The following FER variants were observed in gnomAD, a reference collection of about 807,000 sequenced individuals.
FER encodes tyrosine-protein kinase Fer.
FER carries 63 observed loss-of-function variants against 111.0 expected under a neutral mutation model. That is an observed-to-expected ratio of 0.57 (90% CI 0.46 to 0.70). FER has a LOEUF of 0.70. Ranked by LOEUF, FER falls within the 30% of genes least tolerant of loss-of-function variation. The pLI, the probability that FER is intolerant of heterozygous loss-of-function variation, is 0.00. For missense variants in FER, 914 were observed against 954.0 expected, an observed-to-expected ratio of 0.96 and a Z score of 0.55; for synonymous variants, 327 against 313.9, an observed-to-expected ratio of 1.04 and a Z score of -0.44.
chr5:108,804,569 A>G (rs1325566642), intron 3 of FER, among the ~76,000 whole-genome samples: 3 of 152,164 alleles, frequency 2.0e-5, no homozygotes, highest in Non-Finnish European at 4.4e-5. Flanking sequence ...AAACGCTTCA[A>G]TCTCAATCAT....
chr5:109,110,027 G>A (rs141333940), intron 17 of FER, among the ~76,000 whole-genome samples: 31 of 152,156 alleles, frequency 2.0e-4, no homozygotes, highest in Non-Finnish European at 2.4e-4. Flanking sequence ...AGTTAAAGGC[G>A]GGCTGTCTCT....
chr5:108,851,740 CT>C (rs1187045937), intron 5 of FER, among the ~76,000 whole-genome samples: 2 of 151,986 alleles, frequency 1.3e-5, no homozygotes, highest in African/African-American at 4.8e-5. Flanking sequence ...AAATAACTAC[CT>C]TGTAATTATA....
intron 17 of FER, among the ~76,000 whole-genome samples, chr5:109,118,446 T>A (rs372985630): frequency 0.022 from 3,407 of 152,146 alleles, 112 homozygotes; most frequent in African/African-American, 0.078. Context: ...ATGTTCATCA[T>A]GGATATTGGT....
At chr5:108,988,134 A>G (rs1398134681) in intron 13 of FER, among the ~76,000 whole-genome samples, 1 of 152,132 alleles carries the variant, frequency 6.6e-6, no homozygotes, top group Non-Finnish European at 1.5e-5. Flanking sequence ...CATCCCTGGT[A>G]TGAAACCCAC....
In FER at chr5:109,189,456, A is replaced by C. The variant is rs1011522762; in HGVS notation, c.*1881A>C. 6.6e-6 allele frequency: 1 copy of C among 152,210 alleles called. No individual in the cohort carries two copies. Among genetic ancestry groups the C allele is most frequent in the Non-Finnish European group, 1.5e-5 (1 of 68,038 alleles). The allele number at this position is 152,210 out of a possible 1,614,324, so 9.4% of individuals were successfully genotyped here. A position where few individuals can be genotyped will look rare whatever the true frequency, so the allele number is the denominator to read the frequency against. Reference sequence around the variant, plus strand: ...TTTAGAGTATGAAAGATAATACTGAAGAGAAAAGTGACTTGTATCTAACAT... The same window carrying C: ...TTTAGAGTATGAAAGATAATACTGACGAGAAAAGTGACTTGTATCTAACAT... On this transcript the variant is annotated 3_prime_UTR_variant, in exon 20 of 20. Coordinates refer to ENST00000281092, the MANE Select transcript of FER (RefSeq NM_005246.4).
In FER at chr5:108,793,525, G is replaced by A. The variant is rs562035437; in HGVS notation, c.-59-4599G>A. Among the ~76,000 whole-genome samples, 6 of 136,732 alleles carry A rather than the reference G, an allele frequency of 4.4e-5. No homozygotes were observed. The East Asian group carries it at 1.2e-3, about 28-fold the overall frequency. The allele number at this position is 136,732 out of a possible 152,430, so 89.7% of individuals were successfully genotyped here. ...TATTTTTTTTTTGGCGGGGCGGGGG[G>A]GGTGGTTATATACCCAGCAGCGGGA... On this transcript the variant is annotated intron_variant, in intron 2 of 19. Coordinates refer to ENST00000281092, the MANE Select transcript of FER (RefSeq NM_005246.4).
intron 13 of FER, among the ~76,000 whole-genome samples, chr5:108,973,971 A>G (rs948737296): frequency 4.6e-5 from 7 of 152,182 alleles, no homozygotes; most frequent in Non-Finnish European, 1.0e-4. Context: ...AGACTTCTTC[A>G]CTTCTATTGC....
chr5:109,186,098 A>T, intron 18 of FER, 102 bp from the exon 19 acceptor site: 1 of 1,515,750 alleles, frequency 6.6e-7, no homozygotes, highest in Non-Finnish European at 9.1e-7. Context: ...TTGACCAAAC[A>T]TCATTATGTG....
intron 13 of FER, among the ~76,000 whole-genome samples, chr5:109,024,012 A>C (rs943519179): frequency 6.6e-6 from 1 of 152,102 alleles, no homozygotes; most frequent in Non-Finnish European, 1.5e-5. Context: ...GAACCACCCT[A>C]TATAGTAGCT....
At chr5:109,095,934 G>A (rs1449691844) in intron 16 of FER, among the ~76,000 whole-genome samples, 2 of 151,942 alleles carry the variant, frequency 1.3e-5, no homozygotes, top group Non-Finnish European at 2.9e-5. Flanking sequence ...ACATCACTGG[G>A]AAACTGATAT....
At chr5:108,999,957 C>T (rs2149776322) in intron 13 of FER, among the ~76,000 whole-genome samples, 1 of 152,176 alleles carries the variant, frequency 6.6e-6, no homozygotes, top group African/African-American at 2.4e-5. Flanking sequence ...CACAGTAGTA[C>T]AGCTGATTTG....
chr5:109,156,162 C>T (rs1031204527), intron 17 of FER, among the ~76,000 whole-genome samples: 2 of 151,886 alleles, frequency 1.3e-5, no homozygotes, highest in South Asian at 2.1e-4. Context: ...GTGTAGACAA[C>T]GCTTAAAGCA....
In FER at chr5:109,195,985, C is replaced by T. The variant is rs928691127; in HGVS notation, c.*8410C>T. 3 of 152,066 alleles carry T rather than the reference C, an allele frequency of 2.0e-5. No homozygotes were observed. Among genetic ancestry groups the T allele is most frequent in the African/African-American group, 7.2e-5 (3 of 41,402 alleles). 9.4% of individuals were successfully genotyped at this position (152,066 alleles called of 1,614,324 possible). On this transcript the variant is annotated 3_prime_UTR_variant, in exon 20 of 20. Transcript: ENST00000281092. ...TTTGTCTGGCTTCTTCTGGCAAGTG[C>T]CCTAAAAGACTGGAACACTGTATAA... is the stretch of plus-strand genomic sequence containing the variant.
intron 10 of FER, among the ~76,000 whole-genome samples, chr5:108,933,491 C>T (rs1038363180): frequency 2.6e-5 from 4 of 152,132 alleles, no homozygotes; most frequent in African/African-American, 9.7e-5. Flanking sequence ...GTTTTGGTTA[C>T]TGTAGCTTTG....
chr5:108,897,806 A>T lies in FER; in HGVS notation c.1194A>T (p.Pro398=). 6.2e-7 allele frequency: 1 copy of T among 1,612,882 alleles called. No individual in the cohort carries two copies. Among genetic ancestry groups the T allele is most frequent in the Non-Finnish European group, 8.5e-7 (1 of 1,179,512 alleles). ...AAAATGATGGGAAAGAGCCACCTCC[A>T]GTAGTAAATTATGAAGAAGATGCAC... ...VQENDGKEPP[P]VVNYEEDARS... is the part of the protein sequence containing the mutation. Residue 398 remains proline, a synonymous_variant, in exon 10 of 20, where the codon CCA becomes CCT. Transcript: ENST00000281092.
At chr5:109,017,624 CAAAAT>C (rs1383858303) in intron 13 of FER, among the ~76,000 whole-genome samples, 6 of 151,840 alleles carry the variant, frequency 4.0e-5, no homozygotes, top group African/African-American at 1.4e-4. Context: ...GGGTCCAAAT[CAAAAT>C]AAAATTCATT....
Position 109,186,290 on chromosome 5 carries a change from C to T in FER, c.2294C>T (p.Thr765Ile). The T allele has an allele frequency of 6.2e-7, 1 of 1,614,072 alleles. No homozygotes were observed. The highest frequency in any genetic ancestry group is 8.5e-7 in the Non-Finnish European group (1 of 1,179,982). The part of the protein sequence containing the change: ...SLGVCPYPGM[T>I]NQQAREQVER... Reference sequence around the variant, plus strand: ...GGGGTTTGTCCGTACCCTGGAATGACAAATCAGCAAGCAAGAGAGCAAGTA... The same window carrying T: ...GGGGTTTGTCCGTACCCTGGAATGATAAATCAGCAAGCAAGAGAGCAAGTA... Residue 765 changes from threonine to isoleucine, a missense_variant, in exon 19 of 20, where the codon ACA becomes ATA. Coordinates refer to ENST00000281092, the MANE Select transcript of FER (RefSeq NM_005246.4).
chr5:108,923,709 C>T (rs1306627820), intron 10 of FER, among the ~76,000 whole-genome samples: 3 of 152,116 alleles, frequency 2.0e-5, no homozygotes, highest in South Asian at 2.1e-4. Flanking sequence ...ACTCTACTTC[C>T]TCTCTAGCCC....
chr5:108,943,882 C>T (rs544249834), intron 10 of FER, among the ~76,000 whole-genome samples: 94 of 151,960 alleles, frequency 6.2e-4, no homozygotes, highest in East Asian at 1.4e-3. Flanking sequence ...TAGAGGCACA[C>T]GCTACCATGT....
Sources: allele counts gnomAD v4.1 joint callset (sites outside exome capture counted in the v4.1 genomes callset), GRCh38; gene constraint gnomAD v4.1.1; transcripts MANE v1.5; gene names NCBI Gene and HGNC (gene_info 2026-07-23, HGNC 2026-07-21).